Variants in GALNT18 observed in about 807,000 individuals in gnomAD.
GALNT18 encodes GalNAc-transferase 18.
GALNT18 carries 44 observed loss-of-function variants against 69.5 expected under a neutral mutation model. The ratio of observed to expected loss-of-function variants is 0.63; its 90% CI spans 0.50 to 0.81. GALNT18 has a LOEUF of 0.81. Among genes scored for constraint, GALNT18 ranks in the 40% least tolerant of loss-of-function variants. The probability of loss-of-function intolerance (pLI) is 0.00; values close to 1 mark genes in which losing one functional copy is unlikely to be tolerated. For synonymous variants in GALNT18, 364 were observed against 318.2 expected, an observed-to-expected ratio of 1.14 and a Z score of -1.53; for missense variants, 715 against 810.0, an observed-to-expected ratio of 0.88 and a Z score of 1.42.
chr11:11,566,845 C>A (rs12222002), intron 1 of GALNT18, among the ~76,000 whole-genome samples: 11,504 of 152,290 alleles, frequency 0.076, 499 homozygotes, highest in Middle Eastern at 0.13. Context: ...TCTGAAGTGA[C>A]CTAGCACCGG....
Position 11,496,046 on chromosome 11 carries a change from C to A in GALNT18, c.236-47110G>T, listed in dbSNP as rs1856860673. 6.6e-6 allele frequency among the ~76,000 whole-genome samples: 1 copy of A among 152,200 alleles called. No homozygotes were observed. The highest frequency in any genetic ancestry group is 1.5e-5 in the Non-Finnish European group (1 of 68,040). ...CATCCCTGTTACATGACTAAAGCAA[C>A]TGAGGCTCAGGAAGAACAAGTAACT... On this transcript the variant is annotated intron_variant, in intron 1 of 10. Transcript: ENST00000227756. The surrounding 1 kb of genome is among the most constrained non-coding windows in gnomAD (Gnocchi z 4.0).
chr11:11,445,435 A>T (rs1855627054), intron 2 of GALNT18, among the ~76,000 whole-genome samples: 1 of 152,272 alleles, frequency 6.6e-6, no homozygotes, highest in African/African-American at 2.4e-5. Context: ...ATAGGATGAG[A>T]GTAAAATTTT....
chr11:11,504,005 A>T (rs1186772990), intron 1 of GALNT18, among the ~76,000 whole-genome samples: 2 of 152,204 alleles, frequency 1.3e-5, no homozygotes, highest in Non-Finnish European at 2.9e-5. Context: ...ATTATCTTTT[A>T]AAAAAATGAT....
chr11:11,500,229 A>G lies in GALNT18; in HGVS notation c.236-51293T>C, dbSNP rs1856947383. 6.6e-6 allele frequency among the ~76,000 whole-genome samples: 1 copy of G among 152,208 alleles called. No homozygotes were observed. Among genetic ancestry groups the G allele is most frequent in the African/African-American group, 2.4e-5 (1 of 41,450 alleles). ...ACAGCACAGGGTTCTAGAAAAGTATAGATCCAGACAGGTAGCGTTCACTGC... is the reference window on the plus strand; with the variant it reads ...ACAGCACAGGGTTCTAGAAAAGTATGGATCCAGACAGGTAGCGTTCACTGC... On this transcript the variant is annotated intron_variant, in intron 1 of 10. Coordinates refer to ENST00000227756, the MANE Select transcript of GALNT18 (RefSeq NM_198516.3). This position sits in a 1 kb window ranked among gnomAD's most constrained non-coding sequence, Gnocchi z 5.0.
chr11:11,429,427 C>T (rs56340322), intron 3 of GALNT18, among the ~76,000 whole-genome samples: 10,847 of 152,256 alleles, frequency 0.071, 548 homozygotes, highest in Admixed American at 0.15. Flanking sequence ...TTAATTACTC[C>T]ACGCGTGAGA....
intron 6 of GALNT18, among the ~76,000 whole-genome samples, chr11:11,355,957 T>C (rs925093233): frequency 6.6e-6 from 1 of 152,226 alleles, no homozygotes; most frequent in African/African-American, 2.4e-5. Flanking sequence ...GGACTGACTT[T>C]GTATACAGGT....
At chr11:11,547,721 T>A (rs751339949) in intron 1 of GALNT18, among the ~76,000 whole-genome samples, 2 of 152,184 alleles carry the variant, frequency 1.3e-5, no homozygotes, top group Non-Finnish European at 1.5e-5. Context: ...TTCTATCCCA[T>A]CCTCTACGCT....
At chr11:11,458,791 C>A (rs762181803) in intron 1 of GALNT18, among the ~76,000 whole-genome samples, 1 of 152,250 alleles carries the variant, frequency 6.6e-6, no homozygotes, top group Non-Finnish European at 1.5e-5. Context: ...CCCCTGTCTT[C>A]CAAACACCCA....
At chr11:11,344,134 C>A (rs1004731000) in intron 6 of GALNT18, among the ~76,000 whole-genome samples, 5 of 152,224 alleles carry the variant, frequency 3.3e-5, no homozygotes, top group African/African-American at 9.6e-5. Context: ...GCCCCTGGCA[C>A]AGCCCCTGAT....
In GALNT18 at chr11:11,385,597, T is replaced by C. The variant is rs192066811; in HGVS notation, c.596-6333A>G. Among the ~76,000 whole-genome samples the C allele has an allele frequency of 4.6e-5, 7 of 152,232 alleles. No homozygotes were observed. In the East Asian group the frequency reaches 1.2e-3, roughly 25 times the overall value. On this transcript the variant is annotated intron_variant, in intron 3 of 10. Transcript: ENST00000227756. ...GGTGTGAGCCACCATGCCCGGCCTATTGGGGATCAAATTTTAACATGAGAT... is the reference window on the plus strand; with the variant it reads ...GGTGTGAGCCACCATGCCCGGCCTACTGGGGATCAAATTTTAACATGAGAT...
At chr11:11,477,480 C>G (rs1856427051) in intron 1 of GALNT18, among the ~76,000 whole-genome samples, 1 of 152,202 alleles carries the variant, frequency 6.6e-6, no homozygotes, top group Non-Finnish European at 1.5e-5. Context: ...AAGACAGTAT[C>G]AGTCAAGTGG....
intron 1 of GALNT18, among the ~76,000 whole-genome samples, chr11:11,569,232 T>C (rs1276152251): frequency 7.0e-6 from 1 of 142,680 alleles, no homozygotes; most frequent in East Asian, 2.0e-4. Flanking sequence ...TTATTAGATT[T>C]TGGAAGGCTG....
Position 11,592,908 on chromosome 11 carries a change from T to C in GALNT18, c.235+28451A>G, listed in dbSNP as rs960143890. Reference sequence around the variant, plus strand: ...GTCAGACCAGAACAGAGGACGCCCATGCTTCGCGTTGTTTTTTTCTGTTTG... The same window carrying C: ...GTCAGACCAGAACAGAGGACGCCCACGCTTCGCGTTGTTTTTTTCTGTTTG... On this transcript the variant is annotated intron_variant, in intron 1 of 10. Transcript: ENST00000227756. This position sits in a 1 kb window ranked among gnomAD's most constrained non-coding sequence, Gnocchi z 5.9. Among the ~76,000 whole-genome samples the C allele has an allele frequency of 1.3e-5, 2 of 152,112 alleles. No individual in the cohort carries two copies. The highest frequency in any genetic ancestry group is 2.9e-5 in the Non-Finnish European group (2 of 68,020).
In GALNT18 at chr11:11,540,192, A is replaced by G. The variant is rs1857880281; in HGVS notation, c.235+81167T>C. On this transcript the variant is annotated intron_variant, in intron 1 of 10. Coordinates refer to ENST00000227756, the MANE Select transcript of GALNT18 (RefSeq NM_198516.3). This position sits in a 1 kb window ranked among gnomAD's most constrained non-coding sequence, Gnocchi z 4.6. Reference sequence around the variant, plus strand: ...AACCTCTTCTCACCTCCAAGTCAACATTTTCAAAACAGAGATAGTCAGTTC... The same window carrying G: ...AACCTCTTCTCACCTCCAAGTCAACGTTTTCAAAACAGAGATAGTCAGTTC... 6.6e-6 allele frequency among the ~76,000 whole-genome samples: 1 copy of G among 152,170 alleles called. No individual in the cohort carries two copies. Among genetic ancestry groups the G allele is most frequent in the South Asian group, 2.1e-4 (1 of 4,832 alleles).
chr11:11,453,008 A>C (rs1197071329), intron 1 of GALNT18, among the ~76,000 whole-genome samples: 1 of 152,184 alleles, frequency 6.6e-6, no homozygotes, highest in African/African-American at 2.4e-5. Context: ...TTCTGAGCAC[A>C]ACACAGAGGC....
chr11:11,294,749 A>G (rs1347596192), intron 9 of GALNT18, among the ~76,000 whole-genome samples: 1 of 152,152 alleles, frequency 6.6e-6, no homozygotes, highest in African/African-American at 2.4e-5. Context: ...GTTTTCAGCA[A>G]CTTCCCTCAG....
intron 1 of GALNT18, among the ~76,000 whole-genome samples, chr11:11,569,373 A>G (rs1858730432): frequency 6.6e-6 from 1 of 152,082 alleles, no homozygotes; most frequent in Admixed American, 6.5e-5. Flanking sequence ...CCCCACCCCA[A>G]TACCCCAAGC....
Position 11,314,762 on chromosome 11 carries a change from C to A in GALNT18, c.1512+12324G>T, listed in dbSNP as rs900907127. ...CTATGCCCTGTGGAGGCTGTGGATT[C>A]TAAGGAGTCAGTGCTGGTAGAGAAA... On this transcript the variant is annotated intron_variant, in intron 9 of 10. Transcript: ENST00000227756. The surrounding 1 kb of genome is among the most constrained non-coding windows in gnomAD (Gnocchi z 5.2). 6.6e-6 allele frequency among the ~76,000 whole-genome samples: 1 copy of A among 152,148 alleles called. No homozygotes were observed. The highest frequency in any genetic ancestry group is 6.5e-5 in the Admixed American group (1 of 15,286).
At position 11,571,369 on chromosome 11, in the gene GALNT18, G is replaced by A. The variant is rs576513301; in HGVS notation, c.235+49990C>T. Among the ~76,000 whole-genome samples, 10 of 152,336 alleles carry A rather than the reference G, an allele frequency of 6.6e-5. No individual in the cohort carries two copies. The East Asian group carries it at 1.9e-3, about 29-fold the overall frequency. On this transcript the variant is annotated intron_variant, in intron 1 of 10. Transcript: ENST00000227756. Reference sequence around the variant, plus strand: ...GAAAACCAATGAGTCTGCAATAGGTGTCTCAGCAGGCTGGGAAATGAGGTT... The same window carrying A: ...GAAAACCAATGAGTCTGCAATAGGTATCTCAGCAGGCTGGGAAATGAGGTT...
Sources: allele counts gnomAD v4.1 joint callset (sites outside exome capture counted in the v4.1 genomes callset), GRCh38; gene constraint gnomAD v4.1.1; non-coding constraint Gnocchi (gnomAD v3.1); transcripts MANE v1.5; gene names NCBI Gene and HGNC (gene_info 2026-07-23, HGNC 2026-07-21).